The following MCM6 variants were observed in gnomAD, a reference collection of about 807,000 sequenced individuals.
The protein encoded by MCM6 is DNA replication licensing factor MCM6.
In MCM6, 46 loss-of-function variants were observed where a neutral mutation model predicts 94.3. That is an observed-to-expected ratio of 0.49 (90% CI 0.39 to 0.62). The LOEUF (loss-of-function observed/expected upper bound fraction) is 0.62. Ranked by LOEUF, MCM6 falls within the 20% of genes least tolerant of loss-of-function variation. The probability of loss-of-function intolerance (pLI) is 0.00; values close to 1 mark genes in which losing one functional copy is unlikely to be tolerated. For synonymous variants in MCM6, 335 were observed against 351.9 expected (o/e 0.95, Z 0.54); for missense variants, 865 against 1,017.9 (o/e 0.85, Z 2.04).
chr2:135,851,302 TG>T (rs1333688886), intron 13 of MCM6, 99 bp downstream of exon 13: 1 of 881,996 alleles, frequency 1.1e-6, no homozygotes, highest in Non-Finnish European at 1.7e-6. Context: ...TACATAAAAA[TG>T]TATTTGCAGT....
chr2:135,853,398 T>C (rs1679812193), intron 11 of MCM6, among the ~76,000 whole-genome samples: 1 of 152,112 alleles, frequency 6.6e-6, no homozygotes, highest in Non-Finnish European at 1.5e-5. Context: ...GAAGCCATGA[T>C]TGCACCACTG....
intron 3 of MCM6, 74 bp downstream of exon 3, chr2:135,870,177 G>A (rs1680174597): frequency 4.4e-6 from 5 of 1,123,804 alleles, no homozygotes; most frequent in African/African-American, 1.5e-5. Flanking sequence ...AACCTCTCAA[G>A]TTTTCTGACT....
At chr2:135,849,095 C>T (rs1472580229) in intron 13 of MCM6, among the ~76,000 whole-genome samples, 2 of 152,200 alleles carry the variant, frequency 1.3e-5, no homozygotes, top group East Asian at 3.8e-4. Context: ...GTACTCAGAA[C>T]TGTTCACAAA....
At chr2:135,845,402 T>G (rs762010601) in intron 15 of MCM6, among the ~76,000 whole-genome samples, 4 of 152,170 alleles carry the variant, frequency 2.6e-5, no homozygotes, top group African/African-American at 9.7e-5. Context: ...CAAGAACACC[T>G]TGAGTTCCCA....
At chr2:135,854,584 GC>G (rs1679839846) in intron 11 of MCM6, among the ~76,000 whole-genome samples, 1 of 142,344 alleles carries the variant, frequency 7.0e-6, no homozygotes, top group Admixed American at 7.0e-5. Context: ...AAAAGAAAAG[GC>G]TTTTTGGCCA....
chr2:135,872,911 G>A, intron 1 of MCM6, 68 bp from the exon 2 acceptor site: 2 of 1,567,172 alleles, frequency 1.3e-6, no homozygotes, highest in Non-Finnish European at 1.7e-6. Context: ...TGATAATTCA[G>A]AACATTGGTT....
At chr2:135,866,779 ATGCCATATAATC>A in intron 4 of MCM6, 51 bp from the exon 5 acceptor site, 1 of 1,439,408 alleles carries the variant, frequency 6.9e-7, no homozygotes, top group Non-Finnish European at 9.4e-7. Flanking sequence ...TACCTTTCAG[ATGCCATATAATC>A]TAAATTAAAT....
Position 135,840,782 on chromosome 2 carries a change from C to T in MCM6, c.*53G>A. Reference sequence around the variant, plus strand: ...AGCAGAGCTCCAGCCAGGCTCCAGGCCACGAGGTGCTGTGCCACAGTTCCT... The same window carrying T: ...AGCAGAGCTCCAGCCAGGCTCCAGGTCACGAGGTGCTGTGCCACAGTTCCT... On this transcript the variant is annotated 3_prime_UTR_variant, in exon 17 of 17. Transcript: ENST00000264156. 8.0e-7 allele frequency: 1 copy of T among 1,257,660 alleles called. No homozygotes were observed. The allele number at this position is 1,257,660 out of a possible 1,614,324, so 77.9% of individuals were successfully genotyped here.
intron 11 of MCM6, among the ~76,000 whole-genome samples, chr2:135,853,500 G>A (rs889543720): frequency 3.9e-5 from 6 of 152,208 alleles, no homozygotes; most frequent in Middle Eastern, 3.4e-3. Context: ...CAGTGTATGA[G>A]ACACTGTTCT....
At chr2:135,861,763 C>T (rs1281596995) in intron 8 of MCM6, among the ~76,000 whole-genome samples, 2 of 152,108 alleles carry the variant, frequency 1.3e-5, no homozygotes, top group African/African-American at 4.8e-5. Context: ...TATACAGGCG[C>T]CCGCCACCAC....
In MCM6 at chr2:135,858,137, T is replaced by G. The variant is rs947758634; in HGVS notation, c.1363-133A>C. ...TAAGGCCGGGCATTTGAGGTTACAG[T>G]GAGCCATGATTGCCACTGTACTCCA... On this transcript the variant is annotated intron_variant, in intron 9 of 16. Coordinates refer to ENST00000264156, the MANE Select transcript of MCM6 (RefSeq NM_005915.6). 4.8e-5 allele frequency: 37 copies of G among 763,274 alleles called. 1 individual carries two copies. The Middle Eastern group carries it at 1.1e-3, about 23-fold the overall frequency. The allele number at this position is 763,274 out of a possible 1,614,324, so 47.3% of individuals were successfully genotyped here.
chr2:135,846,314 G>C lies in MCM6; in HGVS notation c.2132C>G (p.Ala711Gly). 6.2e-7 allele frequency: 1 copy of C among 1,613,998 alleles called. No homozygotes were observed. The highest frequency in any genetic ancestry group is 1.1e-5 in the South Asian group (1 of 91,074). ...EDINQESAPK[A>G]SLRLGFSEYC... The stretch of plus-strand genomic sequence containing the variant: ...CTCAGAGAAGCCCAGCCTTAAGGAG[G>C]CTTTGGGAGCAGACTCTTGATTTAT... The change falls in exon 15 of 17, where the codon GCC (alanine) becomes GGC (glycine). Residue 711 changes from alanine to glycine, a missense_variant. Ala to Gly is a moderately conservative substitution (Grantham distance 60). This residue lies in a region of MCM6 where 308 missense variants were observed against 324.5 expected (regional missense o/e 0.95). Transcript: ENST00000264156.
In MCM6 at chr2:135,876,278, A is replaced by G; in HGVS notation, c.88T>C (p.Phe30Leu). 1 of 1,610,014 alleles carries G rather than the reference A, an allele frequency of 6.2e-7. No homozygotes were observed. Among genetic ancestry groups the G allele is most frequent in the African/African-American group, 1.3e-5 (1 of 74,804 alleles). The change falls in exon 1 of 17, where the codon TTC becomes CTC. Residue 30 changes from phenylalanine to leucine, a missense_variant. Transcript: ENST00000264156. ...DEVAEKCQKL[F>L]LDFLEEFQSS... ...ACTTACTCCTCCAAGAAGTCCAGGA[A>G]CAGTTTCTGGCACTTCTCGGCCACC...
At chr2:135,872,669 A>C (rs747579173) in intron 2 of MCM6, 28 bp downstream of exon 2, 14 of 1,609,516 alleles carry the variant, frequency 8.7e-6, no homozygotes, top group African/African-American at 6.7e-5. Context: ...ACCCCTATTC[A>C]AAGTAAAGAA....
chr2:135,863,155 G>C (rs1478897706), intron 7 of MCM6, among the ~76,000 whole-genome samples: 1 of 152,204 alleles, frequency 6.6e-6, no homozygotes, highest in African/African-American at 2.4e-5. Context: ...TGAAGAGTTT[G>C]AGGAAATGGT....
intron 16 of MCM6, among the ~76,000 whole-genome samples, chr2:135,843,378 C>T (rs1173156569): frequency 2.0e-5 from 3 of 152,060 alleles, no homozygotes; most frequent in African/African-American, 7.2e-5. Flanking sequence ...TGGATAAATT[C>T]ATAAAACCAA....
chr2:135,875,638 AAAG>A (rs1680280432), intron 1 of MCM6, among the ~76,000 whole-genome samples: 1 of 152,106 alleles, frequency 6.6e-6, no homozygotes, highest in Admixed American at 6.6e-5. Flanking sequence ...GCACAGAAAA[AAAG>A]AAGAGTAGAG....
intron 8 of MCM6, among the ~76,000 whole-genome samples, chr2:135,861,609 CTATTT>C (rs956698567): frequency 2.0e-5 from 3 of 152,060 alleles, no homozygotes; most frequent in African/African-American, 4.8e-5. Context: ...AAAGTACATC[CTATTT>C]TATTTTTATT....
intron 15 of MCM6, among the ~76,000 whole-genome samples, chr2:135,845,015 CT>C (rs1223713870): frequency 6.6e-6 from 1 of 152,166 alleles, no homozygotes; most frequent in African/African-American, 2.4e-5. Context: ...TCTGAGAATG[CT>C]TGCCAACAGA....
Sources: allele counts gnomAD v4.1 joint callset (sites outside exome capture counted in the v4.1 genomes callset), GRCh38; gene constraint gnomAD v4.1.1; regional missense constraint gnomAD v4.1.1; transcripts MANE v1.5; gene names NCBI Gene and HGNC (gene_info 2026-07-23, HGNC 2026-07-21).